Variants in TMEM177 observed in about 807,000 individuals in gnomAD.
TMEM177 encodes transmembrane protein 177.
TMEM177 carries 4 observed loss-of-function variants against 14.2 expected under a neutral mutation model. The ratio of observed to expected loss-of-function variants is 0.28; its 90% CI spans 0.14 to 0.64. The LOEUF (loss-of-function observed/expected upper bound fraction) is 0.64. Among genes scored for constraint, TMEM177 ranks in the 30% least tolerant of loss-of-function variants. TMEM177 has a pLI of 0.82. For synonymous variants in TMEM177, 179 were observed against 174.5 expected (o/e 1.03, Z -0.20); for missense variants, 344 against 405.2 (o/e 0.85, Z 1.30).
At chr2:119,680,540 A>G (rs1031341370) in intron 1 of TMEM177, among the ~76,000 whole-genome samples, 4 of 152,170 alleles carry the variant, frequency 2.6e-5, no homozygotes, top group African/African-American at 9.7e-5. Flanking sequence ...CCATTATTAT[A>G]AGGAATATCT....
the TMEM177 span, among the ~76,000 whole-genome samples, chr2:119,711,658 C>G: frequency 2.0e-5 from 3 of 152,120 alleles, no homozygotes; most frequent in African/African-American, 7.2e-5. Flanking sequence ...TTGTCATTGC[C>G]CAAGAAGACC....
At chr2:119,705,364 A>G in the TMEM177 span, among the ~76,000 whole-genome samples, 2 of 152,128 alleles carry the variant, frequency 1.3e-5, no homozygotes, top group Non-Finnish European at 2.9e-5. Flanking sequence ...CTGGTCTCAG[A>G]GCCTGGGCAC....
At chr2:119,709,327 C>T in the TMEM177 span, among the ~76,000 whole-genome samples, 34 of 152,332 alleles carry the variant, frequency 2.2e-4, no homozygotes, top group Admixed American at 5.9e-4. Context: ...AATCCCACCA[C>T]ATACTACAAT....
chr2:119,682,984 A>C (rs1476781686), downstream of TMEM177, among the ~76,000 whole-genome samples: 2 of 152,188 alleles, frequency 1.3e-5, no homozygotes, highest in African/African-American at 2.4e-5. Flanking sequence ...GGACCACAGC[A>C]GGGCAAGGTG....
At chr2:119,723,569 G>C in the TMEM177 span, among the ~76,000 whole-genome samples, 1 of 152,120 alleles carries the variant, frequency 6.6e-6, no homozygotes, top group Admixed American at 6.5e-5. Flanking sequence ...AAAAGGCCCA[G>C]CACACATCTT....
At chr2:119,696,089 A>T in the TMEM177 span, among the ~76,000 whole-genome samples, 2 of 152,180 alleles carry the variant, frequency 1.3e-5, no homozygotes, top group African/African-American at 4.8e-5. Flanking sequence ...TGACCATCTC[A>T]TCTCTGTGGC....
chr2:119,687,422 C>G (rs1689032662), downstream of TMEM177, among the ~76,000 whole-genome samples: 1 of 152,210 alleles, frequency 6.6e-6, no homozygotes, highest in Non-Finnish European at 1.5e-5. Context: ...AATTAACTCA[C>G]AGTTCCACAT....
chr2:119,716,953 C>T, the TMEM177 span, among the ~76,000 whole-genome samples: 2 of 152,314 alleles, frequency 1.3e-5, no homozygotes, highest in Middle Eastern at 6.8e-3. Flanking sequence ...AACGTAAAAA[C>T]ATAAATCGAG....
chr2:119,687,028 C>A (rs577044974), downstream of TMEM177, among the ~76,000 whole-genome samples: 65 of 152,336 alleles, frequency 4.3e-4, no homozygotes, highest in African/African-American at 1.5e-3. Context: ...ATAATCCACT[C>A]CCCTTGCTCC....
At chr2:119,685,845 T>A, downstream of TMEM177, 1 of 614,846 alleles carries the variant, frequency 1.6e-6, no homozygotes, top group Non-Finnish European at 2.9e-6. Context: ...ATAGCCCTTT[T>A]CCTCATGCTG....
the TMEM177 span, among the ~76,000 whole-genome samples, chr2:119,701,173 C>T: frequency 1.3e-5 from 2 of 152,180 alleles, no homozygotes; most frequent in African/African-American, 2.4e-5. Flanking sequence ...GTGTCCTTTG[C>T]CCCAGGGAAG....
downstream of TMEM177, chr2:119,685,709 T>C (rs981191352): frequency 2.8e-6 from 2 of 718,012 alleles, no homozygotes; most frequent in Admixed American, 2.0e-5. Flanking sequence ...TCATAAAACT[T>C]TGTAAGTGGC....
At chr2:119,699,669 C>T in the TMEM177 span, 4 of 160,080 alleles carry the variant, frequency 2.5e-5, no homozygotes, top group African/African-American at 9.6e-5. Context: ...GGGACCCCCT[C>T]CCACCTGGCT....
chr2:119,684,143 A>T (rs951406053), downstream of TMEM177, among the ~76,000 whole-genome samples: 1 of 152,020 alleles, frequency 6.6e-6, no homozygotes, highest in African/African-American at 2.4e-5. Flanking sequence ...TCCGTGTCCC[A>T]CTTTCCCTTG....
downstream of TMEM177, among the ~76,000 whole-genome samples, chr2:119,689,464 T>A (rs1689063531): frequency 6.6e-6 from 1 of 152,184 alleles, no homozygotes; most frequent in Non-Finnish European, 1.5e-5. Context: ...TACGAGTGAA[T>A]GGAAGGAAGT....
rs754757625 is a variant in TMEM177, at chr2:119,681,222, C to A, written c.369C>A (p.Val123=). The A allele has an allele frequency of 9.9e-6, 16 of 1,614,266 alleles. No individual in the cohort carries two copies. Among genetic ancestry groups the A allele is most frequent in the Non-Finnish European group, 8.5e-7 (1 of 1,180,044 alleles). ...TGATCAACACTAACCATCCCGTGGTCATACATGGGCATACAGTGGACTGGC... is the reference window on the plus strand; with the variant it reads ...TGATCAACACTAACCATCCCGTGGTAATACATGGGCATACAGTGGACTGGC... ...DLVINTNHPV[V]IHGHTVDWRS... The change falls in exon 2 of 2, where the codon GTC becomes GTA. Residue 123 remains valine (V), a synonymous_variant. Coordinates refer to ENST00000272521, the MANE Select transcript of TMEM177 (RefSeq NM_030577.3).
chr2:119,717,452 C>G, the TMEM177 span, among the ~76,000 whole-genome samples: 165 of 152,188 alleles, frequency 1.1e-3, no homozygotes, highest in Middle Eastern at 0.01. Context: ...AGGAAGCTGG[C>G]CCTGCCCATA....
At chr2:119,708,907 C>G in the TMEM177 span, among the ~76,000 whole-genome samples, 2 of 152,118 alleles carry the variant, frequency 1.3e-5, no homozygotes, top group Admixed American at 1.3e-4. Flanking sequence ...TAGGTAATGC[C>G]CCACAGAGGC....
chr2:119,693,791 A>G, the TMEM177 span, among the ~76,000 whole-genome samples: 1 of 142,976 alleles, frequency 7.0e-6, no homozygotes, highest in Non-Finnish European at 1.5e-5. Context: ...CTGCAGTCAC[A>G]GAAGACACAC....
Sources: gnomAD v4.1 joint callset for allele counts (sites outside exome capture counted in the v4.1 genomes callset) on GRCh38, gnomAD v4.1.1 for gene constraint, MANE v1.5 for transcripts, NCBI Gene and HGNC (gene_info 2026-07-23, HGNC 2026-07-21) for gene names.